Variants in YIPF3 observed in about 807,000 individuals in gnomAD.
The protein encoded by YIPF3 is Yip1 domain family member 3.
A neutral mutation model predicts 40.3 loss-of-function variants in YIPF3; 18 were observed. The ratio of observed to expected loss-of-function variants is 0.45; its 90% CI spans 0.31 to 0.66. The LOEUF (loss-of-function observed/expected upper bound fraction) is 0.66. Among genes scored for constraint, YIPF3 ranks in the 30% least tolerant of loss-of-function variants. The pLI is 0.07. For missense variants in YIPF3, 406 were observed against 452.2 expected, an observed-to-expected ratio of 0.90 and a Z score of 0.93; for synonymous variants, 190 against 179.6, an observed-to-expected ratio of 1.06 and a Z score of -0.46.
In YIPF3 at chr6:43,513,339, A is replaced by T; in HGVS notation, c.534+20T>A. The T allele has an allele frequency of 6.2e-7, 1 of 1,613,974 alleles. No homozygotes were observed. Reference sequence around the variant, plus strand: ...TCAACCTAGTGCAGCCACCCCCCCAAAGTTGTCTGTCCTGCTTACGATAAT... The same window carrying T: ...TCAACCTAGTGCAGCCACCCCCCCATAGTTGTCTGTCCTGCTTACGATAAT... On this transcript the variant is annotated intron_variant, in intron 5 of 8. Transcript: ENST00000372422.
At position 43,515,912 on chromosome 6, in the gene YIPF3, G is replaced by T; in HGVS notation, c.265C>A (p.Leu89Met). 6.2e-7 allele frequency: 1 copy of T among 1,603,746 alleles called. No homozygotes were observed. Among genetic ancestry groups the T allele is most frequent in the Non-Finnish European group, 8.5e-7 (1 of 1,173,444 alleles). Residue 89 changes from leucine (L) to methionine (M), a missense_variant, in exon 2 of 9, where the codon CTG becomes ATG. Leu to Met is a conservative substitution (Grantham distance 15). Coordinates refer to ENST00000372422, the MANE Select transcript of YIPF3 (RefSeq NM_015388.4). ...ACCTGATCTGCCACCTGCCGGCTCA[G>T]CTGTCCCTTAAAGCCCTTCATGCCC... ...FLGMKGFKGQ[L>M]SRQVADQMWQ...
Position 43,512,779 on chromosome 6 carries a change from T to G in YIPF3, c.762A>C (p.Gly254=). 1 of 1,613,664 alleles carries G rather than the reference T, an allele frequency of 6.2e-7. No individual in the cohort carries two copies. Among genetic ancestry groups the G allele is most frequent in the African/African-American group, 1.3e-5 (1 of 75,004 alleles). The change falls in exon 7 of 9, where the codon GGA becomes GGC. Residue 254 remains glycine (G), a synonymous_variant. Transcript: ENST00000372422. ...AGCTTACCATGCGCAGTGTGGACAG[T>G]CCACCCACCAACAGCCAGAAGAGGT... ...LFYLFWLLVG[G]LSTLRMVAVL...
intron 3 of YIPF3, among the ~76,000 whole-genome samples, chr6:43,514,666 C>T (rs1271144876): frequency 4.6e-5 from 7 of 152,224 alleles, no homozygotes; most frequent in Admixed American, 4.6e-4. Context: ...TCCCATCTAT[C>T]TTCACCACTG....
chr6:43,516,661 C>A (rs1216821999), intron 1 of YIPF3, 66 bp downstream of exon 1: 11 of 1,582,250 alleles, frequency 7.0e-6, no homozygotes, highest in Non-Finnish European at 9.5e-6. Context: ...GAGGGGGAAT[C>A]CCCAAGACAC....
chr6:43,516,719 G>C lies in YIPF3; in HGVS notation c.81+8C>G. The C allele has an allele frequency of 6.2e-7, 1 of 1,612,516 alleles. No individual in the cohort carries two copies. The highest frequency in any genetic ancestry group is 8.5e-7 in the Non-Finnish European group (1 of 1,179,820). On this transcript the variant is annotated splice_region_variant and intron_variant, in intron 1 of 8. Transcript: ENST00000372422. ...GGCTGCTGGCAGCTGGTGCCTTGGG[G>C]CCATTACCTGGATGTTTTCTTCGAA...
chr6:43,512,377 T>A, intron 8 of YIPF3, 62 bp from the exon 9 acceptor site: 11 of 1,614,090 alleles, frequency 6.8e-6, no homozygotes, highest in Non-Finnish European at 9.3e-6. Context: ...CCATCATATC[T>A]AGCTTCTTGC....
chr6:43,515,064 C>A, intron 3 of YIPF3: 1 of 315,070 alleles, frequency 3.2e-6, no homozygotes, highest in African/African-American at 2.2e-5. Context: ...ACGATCTCGG[C>A]TCACTGCAAG....
chr6:43,515,601 C>T lies in YIPF3; in HGVS notation c.389G>A (p.Arg130Gln), dbSNP rs375667481. The change falls in exon 3 of 9, where the codon CGA becomes CAA. Residue 130 changes from arginine to glutamine, a missense_variant. Physicochemically the swap from Arg to Gln is conservative, Grantham distance 43. Coordinates refer to ENST00000372422, the MANE Select transcript of YIPF3 (RefSeq NM_015388.4). ...TCAAGAGAAGGCTCCTCACCTGCTT[C>T]GCACCTGAGCAGGCTCCACATCAAA... is the stretch of plus-strand genomic sequence containing the variant. Reference protein sequence around the residue: ...PYFDVEPAQVRSRLLESMIPI... With the variant: ...PYFDVEPAQVQSRLLESMIPI... The T allele has an allele frequency of 1.2e-4, 200 of 1,613,178 alleles. No individual in the cohort carries two copies. Among genetic ancestry groups the T allele is most frequent in the South Asian group, 2.1e-4 (19 of 91,034 alleles).
Position 43,516,288 on chromosome 6 carries a change from G to A in YIPF3, c.82-193C>T. 5 of 1,304,054 alleles carry A rather than the reference G, an allele frequency of 3.8e-6. No homozygotes were observed. In the South Asian group the frequency reaches 6.4e-5, roughly 17 times the overall value. 80.8% of individuals were successfully genotyped at this position (1,304,054 alleles called of 1,614,324 possible). A position where few individuals can be genotyped will look rare whatever the true frequency, so the allele number is the denominator to read the frequency against. On this transcript the variant is annotated intron_variant, in intron 1 of 8. Coordinates refer to ENST00000372422, the MANE Select transcript of YIPF3 (RefSeq NM_015388.4). The stretch of plus-strand genomic sequence containing the variant: ...TTTCTAGCTTTGGCTATCTTTTCTA[G>A]CCTGGGAAACCTACTAGTCTTCCAT...
At position 43,513,098 on chromosome 6, in the gene YIPF3, T is replaced by C; in HGVS notation, c.637A>G (p.Ile213Val). The C allele has an allele frequency of 6.2e-7, 1 of 1,614,148 alleles. No individual in the cohort carries two copies. Among genetic ancestry groups the C allele is most frequent in the Non-Finnish European group, 8.5e-7 (1 of 1,180,026 alleles). ...YFLAYLCNAQITMLQMLALLG... is the reference protein window; with the variant it reads ...YFLAYLCNAQVTMLQMLALLG... ...AGTGCCAACATCTGCAGCATGGTGA[T>C]CTGGGCGTTGCACAGGTAGGCAAGG... is the stretch of plus-strand genomic sequence containing the variant. The change falls in exon 6 of 9, where the codon ATC becomes GTC. Residue 213 changes from isoleucine (I) to valine (V), a missense_variant. Transcript: ENST00000372422.
chr6:43,514,195 C>T (rs1415457011), intron 3 of YIPF3, among the ~76,000 whole-genome samples: 1 of 152,156 alleles, frequency 6.6e-6, no homozygotes, highest in Non-Finnish European at 1.5e-5. Flanking sequence ...GAACCGAGAT[C>T]GCGCCACTGC....
At chr6:43,513,000 G>C in intron 6 of YIPF3, 69 bp downstream of exon 6, 1 of 1,602,480 alleles carries the variant, frequency 6.2e-7, no homozygotes, top group Non-Finnish European at 8.5e-7. Context: ...GGGGCCCCAG[G>C]ACAGATGCCG....
At chr6:43,512,413 C>T (rs1285244802) in intron 8 of YIPF3, 27 bp downstream of exon 8, 2 of 1,614,206 alleles carry the variant, frequency 1.2e-6, no homozygotes, top group South Asian at 1.1e-5. Flanking sequence ...TCCCATTCTC[C>T]CCCACCCAGA....
chr6:43,514,558 T>C (rs756818949), intron 3 of YIPF3, among the ~76,000 whole-genome samples: 14 of 152,188 alleles, frequency 9.2e-5, no homozygotes, highest in South Asian at 2.1e-4. Context: ...GGGAAACTTG[T>C]CCTGTCCCAC....
intron 3 of YIPF3, among the ~76,000 whole-genome samples, chr6:43,514,717 G>C (rs1792739286): frequency 6.6e-6 from 1 of 152,184 alleles, no homozygotes; most frequent in Non-Finnish European, 1.5e-5. Flanking sequence ...CAGAGCAAAT[G>C]CTTAATAAAT....
chr6:43,512,962 T>A, intron 6 of YIPF3, 88 bp from the exon 7 acceptor site: 1 of 1,592,034 alleles, frequency 6.3e-7, no homozygotes, highest in Non-Finnish European at 8.6e-7. Flanking sequence ...ACATGGTCCA[T>A]TGGCCTACTC....
rs199862941 is a variant in YIPF3 at position 43,516,761 on chromosome 6, C to T, written c.47G>A (p.Gly16Asp). Residue 16 changes from glycine (G) to aspartate (D), a missense_variant, in exon 1 of 9, where the codon GGC becomes GAC. By Grantham distance (94) the Gly-to-Asp change is moderately conservative. Transcript: ENST00000372422. ...TTCTTCGAACCCTCCCCATTCCGGG[C>T]CAGCTCCATTTCGGGCGCCGCCCGC... ...APAGGARNGA[G>D]PEWGGFEENI... 3.1e-6 allele frequency: 5 copies of T among 1,599,328 alleles called. No individual in the cohort carries two copies. The highest frequency in any genetic ancestry group is 1.3e-5 in the African/African-American group (1 of 74,404).
intron 3 of YIPF3, 97 bp downstream of exon 3, chr6:43,515,498 G>A (rs756106701): frequency 1.5e-5 from 18 of 1,195,706 alleles, no homozygotes; most frequent in South Asian, 4.9e-5. Flanking sequence ...TCATGAAGAC[G>A]GGGAGCCCAT....
intron 7 of YIPF3, 31 bp downstream of exon 7, chr6:43,512,730 C>G (rs1483591909): frequency 6.2e-7 from 1 of 1,601,270 alleles, no homozygotes; most frequent in African/African-American, 1.3e-5. Context: ...GGGAGGACAG[C>G]CCACCCCTGG....
Sources: gnomAD v4.1 joint callset for allele counts (sites outside exome capture counted in the v4.1 genomes callset) on GRCh38, gnomAD v4.1.1 for gene constraint, MANE v1.5 for transcripts, NCBI Gene and HGNC (gene_info 2026-07-23, HGNC 2026-07-21) for gene names.